The following SLC2A13 variants were observed in gnomAD, a reference collection of about 807,000 sequenced individuals.
SLC2A13 encodes solute carrier family 2 member 13.
SLC2A13 carries 32 observed loss-of-function variants against 64.4 expected under a neutral mutation model. The ratio of observed to expected loss-of-function variants is 0.50; its 90% CI spans 0.37 to 0.67. The LOEUF (loss-of-function observed/expected upper bound fraction) is 0.67. SLC2A13 is among the 30% of genes least tolerant of loss of function. The probability of loss-of-function intolerance (pLI) is 0.00; values close to 1 mark genes in which losing one functional copy is unlikely to be tolerated. For synonymous variants in SLC2A13, 338 were observed against 327.1 expected (o/e 1.03, Z -0.36); for missense variants, 743 against 829.2 (o/e 0.90, Z 1.28).
At chr12:39,899,460 T>G (rs996518497) in intron 4 of SLC2A13, among the ~76,000 whole-genome samples, 1 of 152,080 alleles carries the variant, frequency 6.6e-6, no homozygotes, top group Non-Finnish European at 1.5e-5. Flanking sequence ...TTTTAAAGGG[T>G]TTTTTGTGTC....
chr12:40,101,543 A>G (rs1939147949), intron 1 of SLC2A13, among the ~76,000 whole-genome samples: 1 of 152,212 alleles, frequency 6.6e-6, no homozygotes, highest in African/African-American at 2.4e-5. Flanking sequence ...AGAAGGTAAA[A>G]GAGCTTAAAA....
At chr12:39,981,097 G>T (rs1320493207) in intron 3 of SLC2A13, among the ~76,000 whole-genome samples, 10 of 151,662 alleles carry the variant, frequency 6.6e-5, no homozygotes, top group Non-Finnish European at 1.5e-4. Flanking sequence ...CGAAATGAAG[G>T]CAGAAATAAA....
At position 39,766,290 on chromosome 12, in the gene SLC2A13, C is replaced by T. The variant is rs116520538; in HGVS notation, c.1446-1432G>A. On this transcript the variant is annotated intron_variant, in intron 7 of 9. Coordinates refer to ENST00000280871, the MANE Select transcript of SLC2A13 (RefSeq NM_052885.4). ...TCCAGACCACTGCAATAAAGTGGGT[C>T]ACACGGATTTTTTGGTTTCCCACTA... 3.1e-3 allele frequency among the ~76,000 whole-genome samples: 471 copies of T among 152,210 alleles called. 5 individuals are homozygous for T. Among genetic ancestry groups the T allele is most frequent in the African/African-American group, 0.011 (461 of 41,540 alleles).
chr12:39,781,666 C>A (rs1940990803), intron 7 of SLC2A13, among the ~76,000 whole-genome samples: 1 of 152,192 alleles, frequency 6.6e-6, no homozygotes, highest in Non-Finnish European at 1.5e-5. Context: ...TAGTCCAGAG[C>A]AACTTTGGAA....
At chr12:39,894,862 G>C (rs1234686968) in intron 4 of SLC2A13, among the ~76,000 whole-genome samples, 2 of 151,890 alleles carry the variant, frequency 1.3e-5, no homozygotes, top group Non-Finnish European at 2.9e-5. Flanking sequence ...AAAAAAGGGA[G>C]AAAAGAAAAA....
intron 2 of SLC2A13, among the ~76,000 whole-genome samples, chr12:40,034,327 C>T (rs1169971587): frequency 6.6e-6 from 1 of 152,126 alleles, no homozygotes; most frequent in Non-Finnish European, 1.5e-5. Context: ...TTACTGGTTT[C>T]CCAACTTCAT....
intron 4 of SLC2A13, among the ~76,000 whole-genome samples, chr12:39,902,619 G>T (rs910504114): frequency 6.6e-6 from 1 of 151,998 alleles, no homozygotes; most frequent in African/African-American, 2.4e-5. Flanking sequence ...TCTAGAAAAA[G>T]ATGTGTCTAA....
At chr12:39,978,971 G>A (rs1283131483) in intron 3 of SLC2A13, among the ~76,000 whole-genome samples, 2 of 149,688 alleles carry the variant, frequency 1.3e-5, no homozygotes, top group African/African-American at 4.9e-5. Flanking sequence ...CGCAGCTGGA[G>A]ATCTGAGAAC....
At chr12:39,835,489 A>G (rs1393789381) in intron 6 of SLC2A13, among the ~76,000 whole-genome samples, 1 of 152,124 alleles carries the variant, frequency 6.6e-6, no homozygotes, top group Non-Finnish European at 1.5e-5. Flanking sequence ...CATAAGGACT[A>G]TGCTTTATAA....
chr12:39,906,111 C>A (rs1874560), intron 4 of SLC2A13, among the ~76,000 whole-genome samples: 64,024 of 133,928 alleles, frequency 0.48, 13,886 homozygotes, highest in East Asian at 0.77. Context: ...TGGACAAAAT[C>A]TAATTCTTGC....
intron 3 of SLC2A13, among the ~76,000 whole-genome samples, chr12:39,991,743 T>A (rs959745283): frequency 1.3e-5 from 2 of 152,212 alleles, no homozygotes; most frequent in African/African-American, 4.8e-5. Flanking sequence ...AGTATGAAGT[T>A]GCCTAATATT....
At chr12:39,962,678 G>A (rs772738981) in intron 3 of SLC2A13, among the ~76,000 whole-genome samples, 8 of 151,982 alleles carry the variant, frequency 5.3e-5, no homozygotes, top group African/African-American at 9.7e-5. Flanking sequence ...TCACCTACCC[G>A]GTTTTTCAAT....
At chr12:39,912,382 T>C (rs962797330) in intron 4 of SLC2A13, among the ~76,000 whole-genome samples, 4 of 152,180 alleles carry the variant, frequency 2.6e-5, no homozygotes, top group South Asian at 2.1e-4. Flanking sequence ...GTCGGATTAC[T>C]TTCCCAGCCA....
intron 1 of SLC2A13, among the ~76,000 whole-genome samples, chr12:40,056,138 A>G (rs1948330375): frequency 6.6e-6 from 1 of 151,964 alleles, no homozygotes; most frequent in Non-Finnish European, 1.5e-5. Context: ...CTAAGATATA[A>G]CTTATGTAAC....
chr12:40,050,308 T>C (rs1232267672), intron 1 of SLC2A13, among the ~76,000 whole-genome samples: 1 of 152,162 alleles, frequency 6.6e-6, no homozygotes, highest in Non-Finnish European at 1.5e-5. Context: ...GATTTGAGCA[T>C]GGGAAATCAG....
At chr12:40,035,765 A>T (rs185122680) in intron 2 of SLC2A13, among the ~76,000 whole-genome samples, 2 of 152,274 alleles carry the variant, frequency 1.3e-5, no homozygotes, top group East Asian at 3.9e-4. Context: ...TTAGAAGAAG[A>T]CTCCACCAAG....
chr12:39,760,513 T>G (rs1194858163), intron 9 of SLC2A13, among the ~76,000 whole-genome samples: 1 of 152,000 alleles, frequency 6.6e-6, no homozygotes, highest in Non-Finnish European at 1.5e-5. Context: ...TTGAAGCCTT[T>G]CCTCCCTTCC....
intron 3 of SLC2A13, among the ~76,000 whole-genome samples, chr12:39,961,294 G>A (rs1332852338): frequency 1.3e-5 from 2 of 151,786 alleles, no homozygotes; most frequent in African/African-American, 2.4e-5. Flanking sequence ...TGCCAGGCTG[G>A]TCTTGAATTC....
At chr12:39,832,345 G>A (rs1218610459) in intron 6 of SLC2A13, among the ~76,000 whole-genome samples, 1 of 152,038 alleles carries the variant, frequency 6.6e-6, no homozygotes, top group Non-Finnish European at 1.5e-5. Flanking sequence ...TACTCATTTG[G>A]GAAAGGTCAA....
Sources: allele counts gnomAD v4.1 joint callset (sites outside exome capture counted in the v4.1 genomes callset), GRCh38; gene constraint gnomAD v4.1.1; transcripts MANE v1.5; gene names NCBI Gene and HGNC (gene_info 2026-07-23, HGNC 2026-07-21).